The following ABI3BP variants were observed in gnomAD, a reference collection of about 807,000 sequenced individuals.
ABI3BP encodes target of Nesh-SH3.
Under a neutral mutation model 268.6 loss-of-function variants are expected in ABI3BP, and 216 were observed. The ratio of observed to expected loss-of-function variants is 0.80; its 90% CI spans 0.72 to 0.90. The LOEUF (loss-of-function observed/expected upper bound fraction) is 0.90, where lower values mean the gene tolerates loss of function less well. ABI3BP is among the 40% of genes least tolerant of loss of function. The probability of loss-of-function intolerance (pLI) is 0.00; values close to 1 mark genes in which losing one functional copy is unlikely to be tolerated. For synonymous variants in ABI3BP, 730 were observed against 730.0 expected (o/e 1.00, Z 0.00); for missense variants, 2,090 against 2,182.4 (o/e 0.96, Z 0.84).
At chr3:100,810,177 A>G (rs368406537) in intron 49 of ABI3BP, among the ~76,000 whole-genome samples, 54 of 152,252 alleles carry the variant, frequency 3.5e-4, no homozygotes, top group African/African-American at 1.3e-3. Flanking sequence ...AAGCATTCCT[A>G]TTCCCTGAAT....
chr3:100,750,064 A>G lies in ABI3BP; in HGVS notation c.*431T>C, dbSNP rs905042496. On this transcript the variant is annotated 3_prime_UTR_variant, in exon 68 of 68. Transcript: ENST00000471714. ...TACATGCTGAAGATAATTTGATCCA[A>G]TAAGTTAAACTAAGTAGAGATTTAT... The G allele has an allele frequency of 2.0e-4, 51 of 258,634 alleles. No homozygotes were observed. Among genetic ancestry groups the G allele is most frequent in the Non-Finnish European group, 3.0e-4 (42 of 138,886 alleles). 16.0% of individuals were successfully genotyped at this position (258,634 alleles called of 1,614,324 possible).
intron 51 of ABI3BP, among the ~76,000 whole-genome samples, chr3:100,800,172 T>C (rs1337895532): frequency 6.6e-6 from 1 of 152,116 alleles, no homozygotes; most frequent in East Asian, 1.9e-4. Context: ...CTTATCTTTC[T>C]AGATTGTTGC....
intron 14 of ABI3BP, among the ~76,000 whole-genome samples, chr3:100,859,908 T>C (rs746243241): frequency 6.6e-6 from 1 of 152,074 alleles, no homozygotes; most frequent in African/African-American, 2.4e-5. Context: ...CAAACTTTAA[T>C]GTTCAATACA....
intron 63 of ABI3BP, 113 bp from the exon 64 acceptor site, chr3:100,754,804 G>T: frequency 1.2e-6 from 1 of 856,256 alleles, no homozygotes; most frequent in Non-Finnish European, 1.9e-6. Flanking sequence ...AATTATGACA[G>T]TGAATGGTAA....
At chr3:100,840,711 A>G in intron 22 of ABI3BP, 109 bp downstream of exon 22, 1 of 957,120 alleles carries the variant, frequency 1.0e-6, no homozygotes, top group Non-Finnish European at 1.5e-6. Flanking sequence ...ACTCACACAC[A>G]CACACAAAGG....
At chr3:100,949,465 C>T (rs1222008553) in intron 1 of ABI3BP, among the ~76,000 whole-genome samples, 1 of 152,036 alleles carries the variant, frequency 6.6e-6, no homozygotes, top group African/African-American at 2.4e-5. Context: ...GGAGTTTCGC[C>T]ACGTTGATCA....
chr3:100,861,124 A>G (rs1322534305), intron 14 of ABI3BP, among the ~76,000 whole-genome samples: 1 of 152,190 alleles, frequency 6.6e-6, no homozygotes, highest in Non-Finnish European at 1.5e-5. Flanking sequence ...TAGGGAAACC[A>G]AGACTTAGAT....
chr3:100,884,020 G>A (rs767194265), intron 6 of ABI3BP, among the ~76,000 whole-genome samples: 1 of 152,008 alleles, frequency 6.6e-6, no homozygotes, highest in African/African-American at 2.4e-5. Flanking sequence ...TTTTGACCAA[G>A]TGAAAACAGC....
chr3:100,941,999 A>C (rs918135863), intron 1 of ABI3BP, among the ~76,000 whole-genome samples: 1 of 152,156 alleles, frequency 6.6e-6, no homozygotes, highest in Non-Finnish European at 1.5e-5. Flanking sequence ...TTTGCTGTAA[A>C]GGAAGTGGGA....
intron 1 of ABI3BP, among the ~76,000 whole-genome samples, chr3:100,972,928 A>G (rs2084349772): frequency 6.6e-6 from 1 of 152,142 alleles, no homozygotes; most frequent in East Asian, 1.9e-4. Context: ...GAGTCACCCA[A>G]TGTGCATGTT....
intron 1 of ABI3BP, among the ~76,000 whole-genome samples, chr3:100,937,724 T>C (rs949914680): frequency 2.0e-5 from 3 of 152,076 alleles, no homozygotes; most frequent in African/African-American, 7.2e-5. Flanking sequence ...TATTATGCTC[T>C]AAGAACGGAC....
At chr3:100,935,070 C>T (rs1187792862) in intron 1 of ABI3BP, among the ~76,000 whole-genome samples, 1 of 151,956 alleles carries the variant, frequency 6.6e-6, no homozygotes, top group East Asian at 1.9e-4. Context: ...TTTCCTGAAT[C>T]GTATTGCCTA....
At chr3:100,950,904 G>A (rs1442574874) in intron 1 of ABI3BP, among the ~76,000 whole-genome samples, 1 of 151,676 alleles carries the variant, frequency 6.6e-6, no homozygotes, top group Non-Finnish European at 1.5e-5. Context: ...CTGAGGCCAC[G>A]TGCCCAGGGA....
chr3:100,869,997 G>T (rs1218291631), intron 9 of ABI3BP, among the ~76,000 whole-genome samples: 7 of 152,092 alleles, frequency 4.6e-5, no homozygotes, highest in Non-Finnish European at 2.9e-5. Context: ...CACACCATGT[G>T]TTCTTAGAAC....
At chr3:100,844,035 T>C in intron 20 of ABI3BP, 1 of 973,156 alleles carries the variant, frequency 1.0e-6, no homozygotes, top group Non-Finnish European at 1.2e-6. Context: ...GTAAGGTCTA[T>C]GTTTAGTAAA....
chr3:100,804,755 G>C (rs1328556961), intron 51 of ABI3BP, 37 bp downstream of exon 51: 2 of 1,561,460 alleles, frequency 1.3e-6, no homozygotes, highest in East Asian at 4.5e-5. Context: ...TGGGACAGTA[G>C]AATGCATTTG....
chr3:100,922,523 C>CGATGGTGATGGTGATGGTGATGGT (rs74793509), intron 2 of ABI3BP, among the ~76,000 whole-genome samples: 218 of 148,710 alleles, frequency 1.5e-3, no homozygotes, highest in African/African-American at 4.8e-3. Flanking sequence ...TGATGTGATG[C>CGATGGTGATGGTGATGGTGATGGT]GATGGTGATG....
chr3:100,941,073 C>A (rs1285916041), intron 1 of ABI3BP, among the ~76,000 whole-genome samples: 1 of 150,700 alleles, frequency 6.6e-6, no homozygotes, highest in Non-Finnish European at 1.5e-5. Flanking sequence ...TGGTAAAAGT[C>A]CCATAAGCCA....
rs2149156539 is a variant in ABI3BP, at chr3:100,750,448, T to C, written c.*47A>G. The stretch of plus-strand genomic sequence containing the variant: ...AATGAATGCGGCATAGTATTTTCAA[T>C]GATTTTTGTTTGCAATGATGAAACA... On this transcript the variant is annotated 3_prime_UTR_variant, in exon 68 of 68. Coordinates refer to ENST00000471714, the MANE Select transcript of ABI3BP (RefSeq NM_001375547.2). 1 of 1,435,300 alleles carries C rather than the reference T, an allele frequency of 7.0e-7. No homozygotes were observed. Among genetic ancestry groups the C allele is most frequent in the Non-Finnish European group, 9.8e-7 (1 of 1,023,760 alleles). 88.9% of individuals were successfully genotyped at this position (1,435,300 alleles called of 1,614,324 possible).
Sources: gnomAD v4.1 joint callset for allele counts (sites outside exome capture counted in the v4.1 genomes callset) on GRCh38, gnomAD v4.1.1 for gene constraint, MANE v1.5 for transcripts, NCBI Gene and HGNC (gene_info 2026-07-23, HGNC 2026-07-21) for gene names.